GABRB1: variants seen among roughly 807,000 people sequenced by gnomAD.
The protein encoded by GABRB1 is gamma-aminobutyric acid type A receptor subunit beta1, also known as gamma-aminobutyric acid receptor subunit beta-1.
GABRB1 carries 17 observed loss-of-function variants against 51.6 expected under a neutral mutation model. That is an observed-to-expected ratio of 0.33 (90% CI 0.23 to 0.49). GABRB1 has a LOEUF of 0.49. Ranked by LOEUF, GABRB1 falls within the 20% of genes least tolerant of loss-of-function variation. The pLI is 0.99. For synonymous variants in GABRB1, 247 were observed against 218.9 expected (o/e 1.13, Z -1.14); for missense variants, 410 against 600.6 (o/e 0.68, Z 3.32).
intron 3 of GABRB1, among the ~76,000 whole-genome samples, chr4:47,072,897 G>T (rs149699760): frequency 6.6e-6 from 1 of 152,118 alleles, no homozygotes; most frequent in Non-Finnish European, 1.5e-5. Context: ...CATTGTTAAT[G>T]TGACTTTAAG....
intron 3 of GABRB1, among the ~76,000 whole-genome samples, chr4:47,091,219 T>TAATTAATGCAATTACTCATTTTACTAGAA: frequency 6.6e-6 from 1 of 152,044 alleles, no homozygotes; most frequent in African/African-American, 2.4e-5. Context: ...CTCAAAAAAG[T>TAATTAATGCAATTACTCATTTTACTAGAA]CCGTTGAGAA....
intron 5 of GABRB1, among the ~76,000 whole-genome samples, chr4:47,335,952 T>C (rs7687439): frequency 0.62 from 94,579 of 151,832 alleles, 29,638 homozygotes; most frequent in East Asian, 0.7. Flanking sequence ...CTGAGACTTA[T>C]GCATTACTCT....
intron 4 of GABRB1, among the ~76,000 whole-genome samples, chr4:47,252,947 T>G (rs1168138971): frequency 1.3e-5 from 2 of 152,240 alleles, no homozygotes; most frequent in Non-Finnish European, 2.9e-5. Context: ...GAAAACTTTT[T>G]ATAGTACTTA....
chr4:47,168,765 T>C (rs1718315614), intron 4 of GABRB1, among the ~76,000 whole-genome samples: 1 of 152,276 alleles, frequency 6.6e-6, no homozygotes, highest in African/African-American at 2.4e-5. Flanking sequence ...ACAAACTGGA[T>C]AACTTAAACA....
chr4:47,124,299 T>C (rs1716010916), intron 3 of GABRB1, among the ~76,000 whole-genome samples: 1 of 152,110 alleles, frequency 6.6e-6, no homozygotes, highest in Admixed American at 6.6e-5. Flanking sequence ...AACAACTGCG[T>C]GACCTGATTT....
intron 4 of GABRB1, among the ~76,000 whole-genome samples, chr4:47,184,084 TC>T (rs1719067533): frequency 6.6e-6 from 1 of 151,912 alleles, no homozygotes; most frequent in South Asian, 2.1e-4. Context: ...TAAATTAAAA[TC>T]TTTTACCACC....
At chr4:47,183,512 C>T (rs1719046147) in intron 4 of GABRB1, among the ~76,000 whole-genome samples, 1 of 151,576 alleles carries the variant, frequency 6.6e-6, no homozygotes, top group Non-Finnish European at 1.5e-5. Context: ...GTCTTCTGGA[C>T]CTGTGACCTG....
intron 4 of GABRB1, among the ~76,000 whole-genome samples, chr4:47,276,661 T>G (rs943751774): frequency 1.3e-5 from 2 of 152,202 alleles, no homozygotes; most frequent in Admixed American, 6.6e-5. Flanking sequence ...AAGTACTCCA[T>G]TTTTAAGTAC....
At chr4:47,372,802 T>C (rs573623890) in intron 5 of GABRB1, among the ~76,000 whole-genome samples, 4 of 152,318 alleles carry the variant, frequency 2.6e-5, no homozygotes, top group African/African-American at 7.2e-5. Context: ...TTTGGGTATA[T>C]GAGTGAGTTC....
chr4:47,278,282 G>T (rs1723157002), intron 4 of GABRB1, among the ~76,000 whole-genome samples: 1 of 152,034 alleles, frequency 6.6e-6, no homozygotes, highest in Non-Finnish European at 1.5e-5. Context: ...ATGTCTTATT[G>T]TTTATATATA....
chr4:47,247,729 T>C (rs1210584614), intron 4 of GABRB1, among the ~76,000 whole-genome samples: 1 of 152,128 alleles, frequency 6.6e-6, no homozygotes, highest in East Asian at 1.9e-4. Flanking sequence ...TAGACGACTT[T>C]TGACTCCTTG....
Position 47,363,150 on chromosome 4 carries a change from G to A in GABRB1, c.545-40168G>A, listed in dbSNP as rs75140261. On this transcript the variant is annotated intron_variant, in intron 5 of 8. Transcript: ENST00000295454. The stretch of plus-strand genomic sequence containing the variant: ...TTTACATTTATTGAGAGATTACAAT[G>A]TGCCAGGTAGAGTGGTAAGCACTTT... Among the ~76,000 whole-genome samples, 1,021 of 152,236 alleles carry A rather than the reference G, an allele frequency of 6.7e-3. 8 individuals carry two copies. The highest frequency in any genetic ancestry group is 0.022 in the African/African-American group (924 of 41,554).
chr4:47,059,467 T>C (rs1398551122), intron 3 of GABRB1, among the ~76,000 whole-genome samples: 1 of 152,222 alleles, frequency 6.6e-6, no homozygotes, highest in Non-Finnish European at 1.5e-5. Context: ...ACACGGCACC[T>C]GGCTGATTTC....
intron 4 of GABRB1, among the ~76,000 whole-genome samples, chr4:47,220,039 T>C (rs191710349): frequency 6.6e-6 from 1 of 152,078 alleles, no homozygotes; most frequent in East Asian, 1.9e-4. Flanking sequence ...TTAAACCCAT[T>C]ATGTTATTTA....
At chr4:47,369,584 C>A (rs1727115403) in intron 5 of GABRB1, among the ~76,000 whole-genome samples, 2 of 152,276 alleles carry the variant, frequency 1.3e-5, no homozygotes, top group South Asian at 4.1e-4. Context: ...CTCATCTAAT[C>A]CTTTTTTCTA....
chr4:47,085,723 C>T (rs1367489081), intron 3 of GABRB1, among the ~76,000 whole-genome samples: 1 of 152,196 alleles, frequency 6.6e-6, no homozygotes, highest in East Asian at 1.9e-4. Flanking sequence ...ATTGACAATG[C>T]TTTTGCTGGT....
chr4:47,143,744 G>C (rs139827135), intron 3 of GABRB1, among the ~76,000 whole-genome samples: 1 of 151,750 alleles, frequency 6.6e-6, no homozygotes, highest in South Asian at 2.1e-4. Flanking sequence ...CACTGATTGG[G>C]TGATTAATAA....
chr4:47,200,728 G>A (rs982106411), intron 4 of GABRB1, among the ~76,000 whole-genome samples: 2 of 152,128 alleles, frequency 1.3e-5, no homozygotes, highest in African/African-American at 2.4e-5. Flanking sequence ...AATATGTGCT[G>A]CCTTAAAATA....
chr4:47,406,006 C>T (rs913288151), intron 7 of GABRB1, among the ~76,000 whole-genome samples: 1 of 152,162 alleles, frequency 6.6e-6, no homozygotes, highest in Non-Finnish European at 1.5e-5. Flanking sequence ...GGAACTAATT[C>T]ATTCTAGGTT....
Sources: allele counts gnomAD v4.1 joint callset (sites outside exome capture counted in the v4.1 genomes callset), GRCh38; gene constraint gnomAD v4.1.1; transcripts MANE v1.5; gene names NCBI Gene and HGNC (gene_info 2026-07-23, HGNC 2026-07-21).